The following HIVEP1 variants were observed in gnomAD, a reference collection of about 807,000 sequenced individuals.
HIVEP1 encodes the protein zinc finger protein 40.
Under a neutral mutation model 180.0 loss-of-function variants are expected in HIVEP1, and 36 were observed. That is an observed-to-expected ratio of 0.20 (90% CI 0.15 to 0.26). The LOEUF is 0.26. Among genes scored for constraint, HIVEP1 ranks in the 10% least tolerant of loss-of-function variants. The pLI, the probability that HIVEP1 is intolerant of heterozygous loss-of-function variation, is 1.00. For synonymous variants in HIVEP1, 1,239 were observed against 1,239.0 expected, an observed-to-expected ratio of 1.00 and a Z score of 0.00; for missense variants, 3,143 against 3,268.7, an observed-to-expected ratio of 0.96 and a Z score of 0.94.
the HIVEP1 span, among the ~76,000 whole-genome samples, chr6:12,194,138 T>G: frequency 6.6e-6 from 1 of 152,134 alleles, no homozygotes; most frequent in South Asian, 2.1e-4. Context: ...TGTTTATTGA[T>G]TATATGTTGA....
intron 2 of HIVEP1, among the ~76,000 whole-genome samples, chr6:12,056,807 A>C (rs71551286): frequency 0.15 from 23,163 of 151,644 alleles, 2,322 homozygotes; most frequent in Non-Finnish European, 0.23. Context: ...TAACTTTTTG[A>C]GTATTTTGCA....
chr6:12,204,561 T>G, the HIVEP1 span, among the ~76,000 whole-genome samples: 1 of 152,186 alleles, frequency 6.6e-6, no homozygotes, highest in African/African-American at 2.4e-5. Flanking sequence ...CTGTGCTATT[T>G]TCAGTAACTT....
At chr6:12,041,147 C>T (rs1331237959) in intron 2 of HIVEP1, among the ~76,000 whole-genome samples, 6 of 152,202 alleles carry the variant, frequency 3.9e-5, no homozygotes, top group Admixed American at 3.9e-4. Flanking sequence ...CAGCCGGGCG[C>T]AGTGTGGCTC....
rs1448592323 is a variant in HIVEP1 at position 12,121,503 on chromosome 6, G to C, written c.1708G>C (p.Val570Leu). The C allele has an allele frequency of 2.5e-6, 4 of 1,614,190 alleles. No individual in the cohort carries two copies. The Admixed American group carries it at 5.0e-5, about 20-fold the overall frequency. Residue 570 changes from valine (V) to leucine (L), a missense_variant, in exon 4 of 9, where the codon GTG becomes CTG. By Grantham distance (32) the Val-to-Leu change is conservative (BLOSUM62 1). Transcript: ENST00000379388. This position sits in a 1 kb window ranked among gnomAD's most constrained non-coding sequence, Gnocchi z 5.3. ...LPKVVVHHVTVSPLRTDSPKA... is the reference protein window; with the variant it reads ...LPKVVVHHVTLSPLRTDSPKA... The stretch of plus-strand genomic sequence containing the variant: ...GAAAGTTGTGGTCCACCATGTCACT[G>C]TGTCCCCCTTAAGAACTGACAGTCC...
At chr6:12,130,989 T>G in intron 6 of HIVEP1, 47 bp downstream of exon 6, 6 of 1,418,824 alleles carry the variant, frequency 4.2e-6, no homozygotes, top group Non-Finnish European at 5.8e-6. Flanking sequence ...TGTATTTAGG[T>G]GGGAAAGCTA....
At chr6:12,190,506 C>T in the HIVEP1 span, among the ~76,000 whole-genome samples, 1 of 152,300 alleles carries the variant, frequency 6.6e-6, no homozygotes, top group Admixed American at 6.5e-5. Flanking sequence ...CTGTGCACTG[C>T]TTGCTTTCTG....
chr6:12,165,056 G>A (rs1005476267), downstream of HIVEP1: 14 of 479,888 alleles, frequency 2.9e-5, no homozygotes, highest in Non-Finnish European at 4.9e-5. Flanking sequence ...TCTGCATTTG[G>A]AAAATAGCCC....
chr6:12,007,836 T>C (rs1195757127), upstream of HIVEP1: 1 of 152,128 alleles, frequency 6.6e-6, no homozygotes, highest in African/African-American at 2.4e-5. Context: ...TGTAAATAAC[T>C]GTATAACTTT....
intron 2 of HIVEP1, among the ~76,000 whole-genome samples, chr6:12,068,601 A>G (rs887671010): frequency 3.3e-5 from 5 of 152,216 alleles, no homozygotes; most frequent in South Asian, 2.1e-4. Context: ...ATCTGACAGT[A>G]TGCGTATATA....
chr6:12,058,969 A>G (rs915568555), intron 2 of HIVEP1, among the ~76,000 whole-genome samples: 1 of 149,544 alleles, frequency 6.7e-6, no homozygotes, highest in Non-Finnish European at 1.5e-5. Context: ...TTTTTTGGAG[A>G]CAGAGTGTCA....
chr6:12,050,228 G>A (rs1335071405), intron 2 of HIVEP1, among the ~76,000 whole-genome samples: 1 of 152,174 alleles, frequency 6.6e-6, no homozygotes, highest in Non-Finnish European at 1.5e-5. Flanking sequence ...TGCCAGATAA[G>A]CCTTAGCATC....
chr6:12,119,614 T>C lies in HIVEP1; in HGVS notation c.95-276T>C, dbSNP rs568541733. Among the ~76,000 whole-genome samples, 5 of 152,322 alleles carry C rather than the reference T, an allele frequency of 3.3e-5. No individual in the cohort carries two copies. In the East Asian group the frequency reaches 9.6e-4, roughly 29 times the overall value. On this transcript the variant is annotated intron_variant, in intron 3 of 8. Coordinates refer to ENST00000379388, the MANE Select transcript of HIVEP1 (RefSeq NM_002114.4). ...GGAAAGATAATTCAGTTTTGAAAGATCTAGTTCCAGGATGTTGATTATTCA... is the reference window on the plus strand; with the variant it reads ...GGAAAGATAATTCAGTTTTGAAAGACCTAGTTCCAGGATGTTGATTATTCA...
chr6:12,107,042 C>T (rs1228930900), intron 3 of HIVEP1, among the ~76,000 whole-genome samples: 1 of 152,156 alleles, frequency 6.6e-6, no homozygotes, highest in Admixed American at 6.5e-5. Context: ...CTTTCTATGT[C>T]CTCTTAACTT....
In HIVEP1 at chr6:12,125,469, A is replaced by G; in HGVS notation, c.5674A>G (p.Asn1892Asp). ...HISPLKCTDN[N>D]QERKSPGVKN... ...TTCTCCTTTGAAATGTACAGACAAT[A>G]ACCAAGAAAGGAAGTCTCCAGGGGT... Residue 1892 changes from asparagine (N) to aspartate (D), a missense_variant, in exon 4 of 9, where the codon AAC (asparagine) becomes GAC (aspartate). Physicochemically the swap from Asn to Asp is conservative, Grantham distance 23. Transcript: ENST00000379388. The G allele has an allele frequency of 6.2e-7, 1 of 1,614,096 alleles. No homozygotes were observed. Among genetic ancestry groups the G allele is most frequent in the South Asian group, 1.1e-5 (1 of 91,076 alleles).
chr6:12,095,055 G>A (rs1426742384), intron 3 of HIVEP1, among the ~76,000 whole-genome samples: 11 of 151,958 alleles, frequency 7.2e-5, no homozygotes, highest in Admixed American at 7.2e-4. Flanking sequence ...CAAAAAATCA[G>A]TCGTAGTATT....
chr6:12,064,294 T>C (rs1771422571), intron 2 of HIVEP1, among the ~76,000 whole-genome samples: 1 of 152,182 alleles, frequency 6.6e-6, no homozygotes. Context: ...TTCCAGACTC[T>C]TTCTGTGTTA....
At chr6:12,108,863 C>T (rs1015840128) in intron 3 of HIVEP1, among the ~76,000 whole-genome samples, 4 of 152,240 alleles carry the variant, frequency 2.6e-5, no homozygotes, top group South Asian at 2.1e-4. Flanking sequence ...CTGAAGGGCT[C>T]CTCAGGTGCC....
chr6:12,124,121 T>C lies in HIVEP1; in HGVS notation c.4326T>C (p.His1442=). Residue 1442 remains histidine (H), a synonymous_variant, in exon 4 of 9, where the codon CAT becomes CAC. Transcript: ENST00000379388. ...QISLNIAPDS[H]LSPVHPTSFQ... The stretch of plus-strand genomic sequence containing the variant: ...CTTTAAACATAGCCCCAGATAGTCA[T>C]CTGTCTCCTGTACACCCAACATCTT... The C allele has an allele frequency of 6.2e-7, 1 of 1,614,180 alleles. No individual in the cohort carries two copies. The highest frequency in any genetic ancestry group is 8.5e-7 in the Non-Finnish European group (1 of 1,180,022).
rs193032455 is a variant in HIVEP1, at chr6:12,121,976, G to C, written c.2181G>C (p.Lys727Asn). 1 of 1,614,182 alleles carries C rather than the reference G, an allele frequency of 6.2e-7. No individual in the cohort carries two copies. The highest frequency in any genetic ancestry group is 2.2e-5 in the East Asian group (1 of 44,876). The change falls in exon 4 of 9, where the codon AAG (lysine) becomes AAC (asparagine). Residue 727 changes from lysine (K) to asparagine (N), a missense_variant. Lys to Asn is a moderately conservative substitution (Grantham distance 94). Transcript: ENST00000379388. The surrounding 1 kb of genome is among the most constrained non-coding windows in gnomAD (Gnocchi z 5.3). ...STPSALPTGE[K>N]ALLLPGQMRP... ...CCTCTGCTTTGCCCACAGGGGAAAA[G>C]GCATTGCTTTTACCAGGTCAGATGC...
Sources: gnomAD v4.1 joint callset for allele counts (sites outside exome capture counted in the v4.1 genomes callset) on GRCh38, gnomAD v4.1.1 for gene constraint, Gnocchi (gnomAD v3.1) non-coding constraint, MANE v1.5 for transcripts, NCBI Gene and HGNC (gene_info 2026-07-23, HGNC 2026-07-21) for gene names.